Variants in CACNA2D3 observed in about 807,000 individuals in gnomAD.
The protein encoded by CACNA2D3 is voltage-dependent calcium channel subunit alpha-2/delta-3.
Under a neutral mutation model 160.6 loss-of-function variants are expected in CACNA2D3, and 60 were observed. The observed-to-expected ratio is 0.37, with a 90% CI of 0.30 to 0.46. The LOEUF (loss-of-function observed/expected upper bound fraction) is 0.46, where lower values mean the gene tolerates loss of function less well. Ranked by LOEUF, CACNA2D3 falls within the 20% of genes least tolerant of loss-of-function variation. CACNA2D3 has a pLI of 1.00. For missense variants in CACNA2D3, 1,205 were observed against 1,365.0 expected (o/e 0.88, Z 1.85); for synonymous variants, 558 against 492.9 (o/e 1.13, Z -1.75).
In CACNA2D3 at chr3:54,626,243, C is replaced by G. The variant is rs982647670; in HGVS notation, c.964-1544C>G. The G allele has an allele frequency of 4.6e-6, 5 of 1,091,996 alleles. No homozygotes were observed. The African/African-American group carries it at 7.8e-5, about 17-fold the overall frequency. 67.6% of individuals were successfully genotyped at this position (1,091,996 alleles called of 1,614,324 possible). ...GCAGAAGTAGAGCAGAAGAAGCAGA[C>G]CTTCCGCAGGTTCACCTACCGTGGC... On this transcript the variant is annotated intron_variant, in intron 9 of 37. Coordinates refer to ENST00000474759, the MANE Select transcript of CACNA2D3 (RefSeq NM_018398.3).
At chr3:54,859,695 T>A (rs1699243288) in intron 17 of CACNA2D3, among the ~76,000 whole-genome samples, 1 of 151,992 alleles carries the variant, frequency 6.6e-6, no homozygotes. Context: ...AGGACAGAAA[T>A]CCCAAATGAC....
At chr3:54,197,065 TC>T (rs1559878972) in intron 2 of CACNA2D3, among the ~76,000 whole-genome samples, 2 of 152,200 alleles carry the variant, frequency 1.3e-5, no homozygotes, top group African/African-American at 4.8e-5. Flanking sequence ...AATTTTATCT[TC>T]AAGATTTAAA....
chr3:54,493,097 A>G (rs75030841), intron 4 of CACNA2D3, among the ~76,000 whole-genome samples: 3 of 87,132 alleles, frequency 3.4e-5, no homozygotes, highest in Non-Finnish European at 5.9e-5. Flanking sequence ...TTTTTTTTGG[A>G]GACGGAGTCA....
intron 2 of CACNA2D3, among the ~76,000 whole-genome samples, chr3:54,158,194 C>T (rs753564362): frequency 6.6e-6 from 1 of 152,136 alleles, no homozygotes; most frequent in Non-Finnish European, 1.5e-5. Flanking sequence ...TATTTGGCCT[C>T]TCTAGGGGGT....
At chr3:55,031,255 C>T (rs529365273) in intron 35 of CACNA2D3, among the ~76,000 whole-genome samples, 15 of 152,182 alleles carry the variant, frequency 9.9e-5, no homozygotes, top group Non-Finnish European at 1.8e-4. Flanking sequence ...CCTCAAAGAG[C>T]AGTCTGTGTT....
intron 4 of CACNA2D3, among the ~76,000 whole-genome samples, chr3:54,404,160 C>T (rs527746739): frequency 6.6e-6 from 1 of 152,136 alleles, no homozygotes; most frequent in African/African-American, 2.4e-5. Context: ...CACCTTGGTA[C>T]CTAAACCAAA....
In CACNA2D3 at chr3:54,406,840, A is replaced by G. The variant is rs925958001; in HGVS notation, c.381+20066A>G. Among the ~76,000 whole-genome samples, 7 of 152,042 alleles carry G rather than the reference A, an allele frequency of 4.6e-5. 1 individual carries two copies. The highest frequency in any genetic ancestry group is 2.6e-4 in the Admixed American group (4 of 15,234). On this transcript the variant is annotated intron_variant, in intron 4 of 37. Transcript: ENST00000474759. The stretch of plus-strand genomic sequence containing the variant: ...GCTGCTTTTGTCACTGGGAAGGGGG[A>G]TGGGTAACTACGTGAGCTGATGGAT...
chr3:54,560,341 G>A (rs1702305456), intron 5 of CACNA2D3, among the ~76,000 whole-genome samples: 5 of 152,172 alleles, frequency 3.3e-5, no homozygotes, highest in African/African-American at 1.2e-4. Context: ...GATCAGTGAT[G>A]TTGAGCTTTT....
chr3:54,510,272 G>C (rs1395745456), intron 5 of CACNA2D3, among the ~76,000 whole-genome samples: 1 of 152,004 alleles, frequency 6.6e-6, no homozygotes, highest in African/African-American at 2.4e-5. Flanking sequence ...TCGGTGAGTG[G>C]ATGGATGGAT....
chr3:54,586,801 T>A (rs761228377), intron 9 of CACNA2D3, among the ~76,000 whole-genome samples: 64 of 152,130 alleles, frequency 4.2e-4, no homozygotes, highest in Admixed American at 2.7e-3. Flanking sequence ...AATTAAATCT[T>A]TAAAATTGTA....
At chr3:54,309,664 A>G (rs895607331) in intron 2 of CACNA2D3, among the ~76,000 whole-genome samples, 1 of 152,104 alleles carries the variant, frequency 6.6e-6, no homozygotes, top group African/African-American at 2.4e-5. Context: ...GATCATTCTG[A>G]CAGTGCTCTC....
chr3:55,000,821 G>A (rs970197408), intron 31 of CACNA2D3, among the ~76,000 whole-genome samples: 1 of 152,030 alleles, frequency 6.6e-6, no homozygotes, highest in African/African-American at 2.4e-5. Flanking sequence ...GGTTATCTTG[G>A]GCAGCATTTT....
chr3:54,751,644 G>T (rs1189799284), intron 11 of CACNA2D3, among the ~76,000 whole-genome samples: 1 of 152,114 alleles, frequency 6.6e-6, no homozygotes, highest in Non-Finnish European at 1.5e-5. Context: ...GCAAAGGCTG[G>T]GGAGGAGCAA....
At chr3:54,972,017 ACT>A (rs1685539628) in intron 29 of CACNA2D3, among the ~76,000 whole-genome samples, 1 of 152,092 alleles carries the variant, frequency 6.6e-6, no homozygotes, top group African/African-American at 2.4e-5. Flanking sequence ...AAAAAAACAA[ACT>A]CTGAAGATGT....
At position 54,363,196 on chromosome 3, in the gene CACNA2D3, A is replaced by AATATATATATAT. The variant is rs377127378; in HGVS notation, c.322-23518_322-23507dup. Among the ~76,000 whole-genome samples, 959 of 151,382 alleles carry AATATATATATAT rather than the reference A, an allele frequency of 6.3e-3. 12 individuals carry two copies. Among genetic ancestry groups the AATATATATATAT allele is most frequent in the African/African-American group, 0.022 (916 of 41,364 alleles). ...GCGATAGAGCGAGACTCCATCTCCA[A>AATATATATATAT]ATATATATATATGAGAATGTGCAAC... On this transcript the variant is annotated intron_variant, in intron 3 of 37. Coordinates refer to ENST00000474759, the MANE Select transcript of CACNA2D3 (RefSeq NM_018398.3).
At chr3:54,522,115 T>C in intron 5 of CACNA2D3, among the ~76,000 whole-genome samples, 1 of 152,176 alleles carries the variant, frequency 6.6e-6, no homozygotes, top group East Asian at 1.9e-4. Flanking sequence ...ACTGGATCTG[T>C]AGCTTTTTTT....
chr3:55,060,428 A>C (rs1157000113), intron 35 of CACNA2D3, among the ~76,000 whole-genome samples: 1 of 152,314 alleles, frequency 6.6e-6, no homozygotes, highest in South Asian at 2.1e-4. Flanking sequence ...AAAGGTTAGC[A>C]TCAAGCAGGT....
intron 3 of CACNA2D3, among the ~76,000 whole-genome samples, chr3:54,347,177 G>T (rs148040370): frequency 3.3e-5 from 5 of 152,332 alleles, no homozygotes; most frequent in Non-Finnish European, 7.3e-5. Context: ...CCTTATGCCT[G>T]CTGGACAGGC....
chr3:54,536,134 C>A (rs1701885645), intron 5 of CACNA2D3, among the ~76,000 whole-genome samples: 1 of 152,116 alleles, frequency 6.6e-6, no homozygotes, highest in Admixed American at 6.5e-5. Context: ...TAAAAACATC[C>A]AGTGTTCAGC....
Sources: allele counts gnomAD v4.1 joint callset (sites outside exome capture counted in the v4.1 genomes callset), GRCh38; gene constraint gnomAD v4.1.1; transcripts MANE v1.5; gene names NCBI Gene and HGNC (gene_info 2026-07-23, HGNC 2026-07-21).